Variants in TNIK observed in about 807,000 individuals in gnomAD.
The protein encoded by TNIK is TRAF2 and NCK-interacting protein kinase.
A neutral mutation model predicts 191.3 loss-of-function variants in TNIK; 49 were observed. That is an observed-to-expected ratio of 0.26 (90% CI 0.20 to 0.32). The LOEUF (loss-of-function observed/expected upper bound fraction) is 0.32, where lower values mean the gene tolerates loss of function less well. Ranked by LOEUF, TNIK falls within the 10% of genes least tolerant of loss-of-function variation. The pLI is 1.00. For missense variants in TNIK, 1,155 were observed against 1,702.3 expected, an observed-to-expected ratio of 0.68 and a Z score of 5.66; for synonymous variants, 594 against 600.9, an observed-to-expected ratio of 0.99 and a Z score of 0.17.
chr3:171,210,923 C>A (rs1740737476), intron 4 of TNIK, among the ~76,000 whole-genome samples, 193 bp downstream of exon 4: 1 of 147,304 alleles, frequency 6.8e-6, no homozygotes, highest in Non-Finnish European at 1.5e-5. Flanking sequence ...ATAGAAGGAA[C>A]ATTTAGAGAT....
At chr3:171,448,288 T>A (rs1727755914) in intron 1 of TNIK, among the ~76,000 whole-genome samples, 1 of 152,176 alleles carries the variant, frequency 6.6e-6, no homozygotes, top group African/African-American at 2.4e-5. Flanking sequence ...TAGCAGTCAC[T>A]CCCTGCCAGC....
At chr3:171,161,808 T>A (rs1734028388) in intron 10 of TNIK, among the ~76,000 whole-genome samples, 1 of 151,584 alleles carries the variant, frequency 6.6e-6, no homozygotes, top group Non-Finnish European at 1.5e-5. Flanking sequence ...TAGTCCCAGC[T>A]ACTTGGGAGG....
intron 2 of TNIK, among the ~76,000 whole-genome samples, chr3:171,341,870 C>T (rs1177285563): frequency 1.3e-5 from 2 of 152,164 alleles, no homozygotes. Context: ...CTGAAGTTGG[C>T]AGAGCTATTG....
At chr3:171,096,882 A>T (rs540693290) in intron 22 of TNIK, among the ~76,000 whole-genome samples, 1 of 152,322 alleles carries the variant, frequency 6.6e-6, no homozygotes, top group Non-Finnish European at 1.5e-5. Flanking sequence ...TTTCATTCAG[A>T]TTTATTGTAA....
chr3:171,276,228 T>A (rs1749733291), intron 2 of TNIK, among the ~76,000 whole-genome samples: 2 of 152,328 alleles, frequency 1.3e-5, no homozygotes, highest in East Asian at 3.9e-4. Context: ...CTCCACACCC[T>A]TTTATAGGAA....
chr3:171,092,176 C>T (rs1470852022), intron 23 of TNIK, among the ~76,000 whole-genome samples: 1 of 152,056 alleles, frequency 6.6e-6, no homozygotes, highest in Non-Finnish European at 1.5e-5. Context: ...TCTCGATCTC[C>T]TGATCTCGTG....
At chr3:171,372,732 C>A (rs1219612772) in intron 1 of TNIK, among the ~76,000 whole-genome samples, 2 of 152,166 alleles carry the variant, frequency 1.3e-5, no homozygotes, top group Admixed American at 1.3e-4. Flanking sequence ...CCCTAGCTAC[C>A]TACACTCCCA....
At chr3:171,266,271 GAATTA>G (rs1204021671) in intron 2 of TNIK, among the ~76,000 whole-genome samples, 1 of 152,140 alleles carries the variant, frequency 6.6e-6, no homozygotes, top group African/African-American at 2.4e-5. Flanking sequence ...ACATTTCCAG[GAATTA>G]AATTGTCATT....
chr3:171,193,605 T>C (rs1473084692), intron 5 of TNIK, among the ~76,000 whole-genome samples: 1 of 152,250 alleles, frequency 6.6e-6, no homozygotes, highest in African/African-American at 2.4e-5. Flanking sequence ...CATCGTCTTC[T>C]TATGCCTTCC....
intron 2 of TNIK, among the ~76,000 whole-genome samples, chr3:171,269,121 A>G (rs1748768067): frequency 6.6e-6 from 1 of 152,254 alleles, no homozygotes; most frequent in Non-Finnish European, 1.5e-5. Flanking sequence ...TGTAATTAAA[A>G]GTACAAAATG....
At chr3:171,262,531 A>T (rs1747775685) in intron 2 of TNIK, among the ~76,000 whole-genome samples, 2 of 152,224 alleles carry the variant, frequency 1.3e-5, no homozygotes, top group South Asian at 4.1e-4. Flanking sequence ...GAACAGAAGC[A>T]ACAAGTGAGA....
At chr3:171,292,557 A>G (rs966064104) in intron 2 of TNIK, among the ~76,000 whole-genome samples, 2 of 152,130 alleles carry the variant, frequency 1.3e-5, no homozygotes, top group African/African-American at 4.8e-5. Flanking sequence ...CGGGCGGAAC[A>G]TGAGGTCAGG....
chr3:171,203,884 G>A (rs779896083), intron 4 of TNIK, among the ~76,000 whole-genome samples: 5 of 152,104 alleles, frequency 3.3e-5, no homozygotes, highest in African/African-American at 4.8e-5. Flanking sequence ...TTATTGAGCC[G>A]CTACAGGGCA....
chr3:171,440,440 T>C (rs1726642444), intron 1 of TNIK, among the ~76,000 whole-genome samples: 1 of 152,138 alleles, frequency 6.6e-6, no homozygotes, highest in Non-Finnish European at 1.5e-5. Context: ...GGAGCTCTGA[T>C]CATTTGAGAA....
intron 2 of TNIK, among the ~76,000 whole-genome samples, chr3:171,313,291 A>G (rs1754256409): frequency 6.6e-6 from 1 of 151,446 alleles, no homozygotes; most frequent in Non-Finnish European, 1.5e-5. Context: ...TAGCTGGGTT[A>G]CACATACCTA....
At chr3:171,264,067 TACAC>T (rs760319253) in intron 2 of TNIK, among the ~76,000 whole-genome samples, 7,368 of 110,188 alleles carry the variant, frequency 0.067, 259 homozygotes, top group East Asian at 0.1. Flanking sequence ...TATATATACA[TACAC>T]ACACACACAC....
At chr3:171,442,096 A>G (rs1726890523) in intron 1 of TNIK, among the ~76,000 whole-genome samples, 1 of 152,234 alleles carries the variant, frequency 6.6e-6, no homozygotes, top group Admixed American at 6.5e-5. Flanking sequence ...ATGCAACTCA[A>G]ATAAAAATGT....
At chr3:171,120,411 C>T (rs184139326) in intron 18 of TNIK, among the ~76,000 whole-genome samples, 306 of 148,390 alleles carry the variant, frequency 2.1e-3, no homozygotes, top group African/African-American at 7.3e-3. Flanking sequence ...AGCTCCGCTT[C>T]CCGGATTCGC....
chr3:171,422,454 G>A (rs12108039), intron 1 of TNIK, among the ~76,000 whole-genome samples: 94,348 of 151,948 alleles, frequency 0.62, 30,588 homozygotes, highest in African/African-American at 0.76. Flanking sequence ...ATATTTATAT[G>A]GTCAAGAAAA....
Sources: gnomAD v4.1 joint callset for allele counts (sites outside exome capture counted in the v4.1 genomes callset) on GRCh38, gnomAD v4.1.1 for gene constraint, MANE v1.5 for transcripts, NCBI Gene and HGNC (gene_info 2026-07-23, HGNC 2026-07-21) for gene names.